The following STK39 variants were observed in gnomAD, a reference collection of about 807,000 sequenced individuals.
The protein encoded by STK39 is serine/threonine kinase 39, also known as STE20/SPS1-related proline-alanine-rich protein kinase.
STK39 carries 20 observed loss-of-function variants against 77.8 expected under a neutral mutation model. The observed-to-expected ratio is 0.26, with a 90% CI of 0.18 to 0.37. The LOEUF (loss-of-function observed/expected upper bound fraction) is 0.37, where lower values mean the gene tolerates loss of function less well. Ranked by LOEUF, STK39 falls within the 10% of genes least tolerant of loss-of-function variation. The pLI is 1.00. For missense variants in STK39, 479 were observed against 656.5 expected, an observed-to-expected ratio of 0.73 and a Z score of 2.95; for synonymous variants, 246 against 234.1, an observed-to-expected ratio of 1.05 and a Z score of -0.47.
intron 1 of STK39, among the ~76,000 whole-genome samples, chr2:168,217,016 T>C (rs888031386): frequency 6.6e-6 from 1 of 152,252 alleles, no homozygotes; most frequent in Non-Finnish European, 1.5e-5. Flanking sequence ...AGACATGCTC[T>C]GTTGGGAAAA....
chr2:168,107,298 T>C lies in STK39; in HGVS notation c.1089+22243A>G, dbSNP rs187002422. 2.7e-4 allele frequency among the ~76,000 whole-genome samples: 41 copies of C among 152,324 alleles called. 1 individual carries two copies. The highest frequency in any genetic ancestry group is 7.9e-4 in the African/African-American group (33 of 41,574). On this transcript the variant is annotated intron_variant, in intron 10 of 17. Transcript: ENST00000355999. ...GAATGGGTCTTATAAAAACCTTTAG[T>C]CTTGAATTAGAGGACTTTTCTGTAA...
At chr2:168,067,096 C>T (rs1464350906) in intron 12 of STK39, among the ~76,000 whole-genome samples, 2 of 152,210 alleles carry the variant, frequency 1.3e-5, no homozygotes, top group Non-Finnish European at 1.5e-5. Context: ...GTGGTTTGCG[C>T]CTGTAGTCCC....
intron 5 of STK39, among the ~76,000 whole-genome samples, chr2:168,144,102 G>A (rs907393320): frequency 1.3e-5 from 2 of 152,142 alleles, no homozygotes; most frequent in African/African-American, 2.4e-5. Context: ...ATGCTACTAA[G>A]CCTTGAGGAG....
chr2:168,139,745 G>C (rs13386296), intron 7 of STK39, among the ~76,000 whole-genome samples: 5,313 of 152,116 alleles, frequency 0.035, 271 homozygotes, highest in East Asian at 0.23. Context: ...TCAGAACTAA[G>C]AGAAATAATG....
intron 1 of STK39, among the ~76,000 whole-genome samples, chr2:168,199,217 A>G (rs1027379534): frequency 1.3e-5 from 2 of 152,224 alleles, no homozygotes; most frequent in Non-Finnish European, 1.5e-5. Context: ...TTCAAAAGAA[A>G]GCCAGCAGCA....
At chr2:168,232,221 C>T (rs990932630) in intron 1 of STK39, 4 of 180,454 alleles carry the variant, frequency 2.2e-5, no homozygotes, top group Admixed American at 1.8e-4. Context: ...GGCAAAAGAT[C>T]TAAGTTTTCA....
chr2:168,207,557 G>A (rs1290859256), intron 1 of STK39, among the ~76,000 whole-genome samples: 1 of 152,156 alleles, frequency 6.6e-6, no homozygotes, highest in Non-Finnish European at 1.5e-5. Context: ...CAAAGAATAC[G>A]AAATGTCAGA....
At chr2:168,135,170 C>T (rs1687797972) in intron 8 of STK39, among the ~76,000 whole-genome samples, 1 of 151,380 alleles carries the variant, frequency 6.6e-6, no homozygotes, top group African/African-American at 2.4e-5. Context: ...AATAAGAGTA[C>T]ACAGTGTAAT....
chr2:167,998,765 C>T (rs143943924), intron 16 of STK39, among the ~76,000 whole-genome samples: 1 of 152,308 alleles, frequency 6.6e-6, no homozygotes, highest in East Asian at 1.9e-4. Context: ...TTTTCAATGT[C>T]CTTTGCACAT....
At chr2:168,235,868 G>C (rs1369737921) in intron 1 of STK39, among the ~76,000 whole-genome samples, 1 of 151,986 alleles carries the variant, frequency 6.6e-6, no homozygotes, top group Non-Finnish European at 1.5e-5. Flanking sequence ...TGGACATCTG[G>C]GTTGGTTCCA....
rs1265726418 is a variant in STK39, at chr2:168,210,078, G to GAAGA, written c.209-27992_209-27989dup. ...GGAAGGAAGGAAGGAAGGAAGGAAG[G>GAAGA]AAGAAAGAAACTCATGTAATTAGAA... On this transcript the variant is annotated intron_variant, in intron 1 of 17. Coordinates refer to ENST00000355999, the MANE Select transcript of STK39 (RefSeq NM_013233.3). 1.2e-4 allele frequency among the ~76,000 whole-genome samples: 16 copies of GAAGA among 135,414 alleles called. 1 individual carries two copies. The highest frequency in any genetic ancestry group is 6.5e-4 in the East Asian group (3 of 4,626). 88.8% of individuals were successfully genotyped at this position (135,414 alleles called of 152,430 possible).
intron 1 of STK39, among the ~76,000 whole-genome samples, chr2:168,183,019 T>C (rs1689122259): frequency 1.3e-5 from 2 of 152,166 alleles, no homozygotes; most frequent in African/African-American, 2.4e-5. Context: ...ATTCATCAAA[T>C]AGCATCATAA....
chr2:168,140,379 A>G lies in STK39; in HGVS notation c.750T>C (p.Tyr250=), dbSNP rs752302245. 1 of 1,613,938 alleles carries G rather than the reference A, an allele frequency of 6.2e-7. No homozygotes were observed. Among genetic ancestry groups the G allele is most frequent in the Admixed American group, 1.7e-5 (1 of 60,026 alleles). The change falls in exon 7 of 18, where the codon TAT becomes TAC. Residue 250 remains tyrosine (Y), a synonymous_variant. Coordinates refer to ENST00000355999, the MANE Select transcript of STK39 (RefSeq NM_013233.3). ...APEVMEQVRG[Y]DFKADMWSFG... ...AACTCCACATGTCAGCCTTGAAGTC[A>G]TAGCCTCTCACCTAAGAAAGAAAGC...
intron 1 of STK39, among the ~76,000 whole-genome samples, chr2:168,213,403 T>C (rs1689942666): frequency 6.6e-6 from 1 of 152,194 alleles, no homozygotes; most frequent in African/African-American, 2.4e-5. Context: ...CACAGTATAC[T>C]ATAAACTTTC....
At chr2:168,194,139 C>T (rs1385605325) in intron 1 of STK39, among the ~76,000 whole-genome samples, 1 of 152,178 alleles carries the variant, frequency 6.6e-6, no homozygotes, top group Admixed American at 6.5e-5. Flanking sequence ...TTTGGCCTAG[C>T]ATGGTGACTC....
intron 1 of STK39, among the ~76,000 whole-genome samples, chr2:168,214,603 T>A (rs1486717355): frequency 6.6e-6 from 1 of 152,162 alleles, no homozygotes; most frequent in Non-Finnish European, 1.5e-5. Context: ...GAATTGTTAA[T>A]CTTAAATGGA....
At chr2:167,959,101 GATTTATTTATTT>G (rs71003016) in intron 17 of STK39, among the ~76,000 whole-genome samples, 23 of 149,388 alleles carry the variant, frequency 1.5e-4, no homozygotes, top group Middle Eastern at 3.5e-3. Context: ...AATATTGTCA[GATTTATTTATTT>G]ATTTATTTAT....
chr2:168,227,979 A>G (rs1023085883), intron 1 of STK39, among the ~76,000 whole-genome samples: 5 of 152,182 alleles, frequency 3.3e-5, no homozygotes, highest in Non-Finnish European at 7.3e-5. Flanking sequence ...CTACCAATCA[A>G]CGAAGTGCCA....
intron 1 of STK39, among the ~76,000 whole-genome samples, chr2:168,208,414 C>T (rs896364751): frequency 2.0e-5 from 3 of 152,158 alleles, no homozygotes; most frequent in African/African-American, 2.4e-5. Context: ...ACAGTGGCTA[C>T]GACTATCCTT....
Sources: gnomAD v4.1 joint callset for allele counts (sites outside exome capture counted in the v4.1 genomes callset) on GRCh38, gnomAD v4.1.1 for gene constraint, MANE v1.5 for transcripts, NCBI Gene and HGNC (gene_info 2026-07-23, HGNC 2026-07-21) for gene names.